Variants in L3MBTL4 observed in about 807,000 individuals in gnomAD.
L3MBTL4 encodes the protein L3MBTL histone methyl-lysine binding protein 4, also known as lethal(3)malignant brain tumor-like protein 4.
A neutral mutation model predicts 84.5 loss-of-function variants in L3MBTL4; 70 were observed. The observed-to-expected ratio is 0.83, with a 90% CI of 0.68 to 1.01. The LOEUF (loss-of-function observed/expected upper bound fraction) is 1.01. L3MBTL4 is among the 50% of genes least tolerant of loss of function. The probability of loss-of-function intolerance (pLI) is 0.00; values close to 1 mark genes in which losing one functional copy is unlikely to be tolerated. For synonymous variants in L3MBTL4, 274 were observed against 259.8 expected, an observed-to-expected ratio of 1.05 and a Z score of -0.52; for missense variants, 715 against 754.8, an observed-to-expected ratio of 0.95 and a Z score of 0.62.
intron 15 of L3MBTL4, among the ~76,000 whole-genome samples, chr18:6,082,794 G>GT (rs1373258028): frequency 1.3e-5 from 2 of 152,098 alleles, no homozygotes; most frequent in African/African-American, 2.4e-5. Context: ...TTGATCATGG[G>GT]TATATTTCAG....
chr18:6,247,661 T>C (rs1259727036), intron 5 of L3MBTL4, among the ~76,000 whole-genome samples: 2 of 142,932 alleles, frequency 1.4e-5, no homozygotes, highest in African/African-American at 2.8e-5. Flanking sequence ...TTTTTTTTTT[T>C]TTTGTATTTT....
intron 1 of L3MBTL4, among the ~76,000 whole-genome samples, chr18:6,322,831 C>A (rs372843810): frequency 6.6e-6 from 1 of 152,040 alleles, no homozygotes; most frequent in African/African-American, 2.4e-5. Context: ...TTTGATAGCA[C>A]AACAGGGTGA....
chr18:6,012,735 T>G (rs1332129961), intron 16 of L3MBTL4, among the ~76,000 whole-genome samples: 1 of 151,798 alleles, frequency 6.6e-6, no homozygotes, highest in African/African-American at 2.4e-5. Context: ...ACTGCGCCAT[T>G]GCACTCCAGC....
At chr18:6,170,075 G>C (rs373133900) in intron 13 of L3MBTL4, among the ~76,000 whole-genome samples, 1 of 152,044 alleles carries the variant, frequency 6.6e-6, no homozygotes, top group Non-Finnish European at 1.5e-5. Flanking sequence ...AAATTCATGC[G>C]ATAGATATTA....
chr18:6,278,006 A>C lies in L3MBTL4; in HGVS notation c.128-13968T>G, dbSNP rs990097743. ...TATGTGTTTATATATACATGTATAC[A>C]TATATACAAATACATATCTATGTAT... is the stretch of plus-strand genomic sequence containing the variant. On this transcript the variant is annotated intron_variant, in intron 4 of 18. Coordinates refer to ENST00000317931, the MANE Select transcript of L3MBTL4 (RefSeq NM_001330559.2). Among the ~76,000 whole-genome samples the C allele has an allele frequency of 2.0e-5, 3 of 152,034 alleles. 1 individual carries two copies. The highest frequency in any genetic ancestry group is 2.0e-4 in the Admixed American group (3 of 15,272).
At chr18:5,984,392 C>A (rs2053376677) in intron 16 of L3MBTL4, among the ~76,000 whole-genome samples, 1 of 152,220 alleles carries the variant, frequency 6.6e-6, no homozygotes, top group South Asian at 2.1e-4. Flanking sequence ...ATGGTGACAA[C>A]TTTCATATAC....
rs183245507 is a variant in L3MBTL4 at position 6,075,741 on chromosome 18, A to C, written c.1444+5140T>G. Among the ~76,000 whole-genome samples the C allele has an allele frequency of 4.6e-5, 7 of 152,300 alleles. No individual in the cohort carries two copies. The East Asian group carries it at 1.3e-3, about 29-fold the overall frequency. The stretch of plus-strand genomic sequence containing the variant: ...GAAAAGGCAAATGGTAGACTGGAGA[A>C]GATATCTGTAATACAATTATAAAAC... On this transcript the variant is annotated intron_variant, in intron 16 of 18. Transcript: ENST00000317931.
chr18:6,113,251 G>T (rs2059249201), intron 14 of L3MBTL4, among the ~76,000 whole-genome samples: 1 of 152,014 alleles, frequency 6.6e-6, no homozygotes. Context: ...TGTTTTGTAG[G>T]CAACTAACTC....
intron 16 of L3MBTL4, among the ~76,000 whole-genome samples, chr18:6,023,484 G>GGACTAATT (rs2145524941): frequency 6.6e-6 from 1 of 152,136 alleles, no homozygotes; most frequent in African/African-American, 2.4e-5. Flanking sequence ...AATTTCCTGT[G>GGACTAATT]GACTAATTTA....
At chr18:5,967,953 C>T (rs1244337165) in intron 17 of L3MBTL4, among the ~76,000 whole-genome samples, 1 of 152,222 alleles carries the variant, frequency 6.6e-6, no homozygotes, top group Non-Finnish European at 1.5e-5. Context: ...TTCTCCACCA[C>T]GTTCCTCACG....
intron 16 of L3MBTL4, among the ~76,000 whole-genome samples, chr18:5,976,941 T>C (rs1489711608): frequency 6.6e-6 from 1 of 152,108 alleles, no homozygotes; most frequent in African/African-American, 2.4e-5. Flanking sequence ...AGGTCTTGTG[T>C]CCTGGCAGGG....
chr18:6,215,265 GAATA>G (rs1228125793), intron 11 of L3MBTL4, among the ~76,000 whole-genome samples: 32 of 152,164 alleles, frequency 2.1e-4, no homozygotes, highest in African/African-American at 7.5e-4. Flanking sequence ...TTCAATCCTG[GAATA>G]AATATATAAG....
rs545786900 is a variant in L3MBTL4 at position 6,203,500 on chromosome 18, T to G, written c.981+9649A>C. Among the ~76,000 whole-genome samples, 3 of 152,288 alleles carry G rather than the reference T, an allele frequency of 2.0e-5. No homozygotes were observed. In the South Asian group the frequency reaches 6.2e-4, roughly 32 times the overall value. ...TTTCCAGAGAACCTTATAACAGTATTGAGTTGGGAGAGCCTGATGTCTGCT... is the reference window on the plus strand; with the variant it reads ...TTTCCAGAGAACCTTATAACAGTATGGAGTTGGGAGAGCCTGATGTCTGCT... On this transcript the variant is annotated intron_variant, in intron 12 of 18. Transcript: ENST00000317931.
intron 16 of L3MBTL4, among the ~76,000 whole-genome samples, chr18:6,073,593 T>C (rs1334172604): frequency 6.6e-6 from 1 of 152,196 alleles, no homozygotes; most frequent in African/African-American, 2.4e-5. Flanking sequence ...GATCAGCTTC[T>C]CCTGTGAACA....
At chr18:6,238,062 T>G in intron 9 of L3MBTL4, 22 bp from the exon 10 acceptor site, 1 of 1,604,740 alleles carries the variant, frequency 6.2e-7, no homozygotes. Flanking sequence ...GAGCTCTATA[T>G]TACGTTCCGT....
chr18:6,006,513 CA>C (rs2054495082), intron 16 of L3MBTL4, among the ~76,000 whole-genome samples: 1 of 152,112 alleles, frequency 6.6e-6, no homozygotes, highest in Non-Finnish European at 1.5e-5. Flanking sequence ...AAGAAAACAT[CA>C]TTTTTCTCAC....
intron 5 of L3MBTL4, among the ~76,000 whole-genome samples, chr18:6,255,542 T>C (rs1454032539): frequency 1.3e-5 from 2 of 152,168 alleles, no homozygotes; most frequent in Non-Finnish European, 2.9e-5. Flanking sequence ...CTTTCTGCCC[T>C]TCAGAGCCCC....
At position 6,393,243 on chromosome 18, in the gene L3MBTL4, G is replaced by A. The variant is rs148727568; in HGVS notation, c.-91+21558C>T. Among the ~76,000 whole-genome samples, 17 of 152,162 alleles carry A rather than the reference G, an allele frequency of 1.1e-4. No homozygotes were observed. In the East Asian group the frequency reaches 2.5e-3, roughly 22 times the overall value. On this transcript the variant is annotated intron_variant, in intron 1 of 18. Coordinates refer to ENST00000317931, the MANE Select transcript of L3MBTL4 (RefSeq NM_001330559.2). ...CTAATTTCTCTGTGCACTATCTCAC[G>A]TTAGCTTTCTGTGATGCTCCTAGGA...
At chr18:6,158,387 T>A in intron 13 of L3MBTL4, among the ~76,000 whole-genome samples, 1 of 152,170 alleles carries the variant, frequency 6.6e-6, no homozygotes, top group Non-Finnish European at 1.5e-5. Flanking sequence ...GAAAGAGCCA[T>A]CTGGTAGAAG....
Sources: allele counts gnomAD v4.1 joint callset (sites outside exome capture counted in the v4.1 genomes callset), GRCh38; gene constraint gnomAD v4.1.1; transcripts MANE v1.5; gene names NCBI Gene and HGNC (gene_info 2026-07-23, HGNC 2026-07-21).